The following SCP2 variants were observed in gnomAD, a reference collection of about 807,000 sequenced individuals.
SCP2 encodes the protein SCP-2/3-oxoacyl-CoA thiolase.
In SCP2, 48 loss-of-function variants were observed where a neutral mutation model predicts 71.4. The observed-to-expected ratio is 0.67, with a 90% CI of 0.53 to 0.86. SCP2 has a LOEUF of 0.86. Ranked by LOEUF, SCP2 falls within the 40% of genes least tolerant of loss-of-function variation. The pLI is 0.00. For synonymous variants in SCP2, 220 were observed against 218.1 expected (o/e 1.01, Z -0.08); for missense variants, 560 against 655.6 (o/e 0.85, Z 1.59).
At chr1:52,960,521 T>TATATATGTATGTATATAC in intron 5 of SCP2, among the ~76,000 whole-genome samples, 1 of 143,706 alleles carries the variant, frequency 7.0e-6, no homozygotes, top group African/African-American at 2.6e-5. Context: ...TGTGTGTGTA[T>TATATATGTATGTATATAC]ATGTGTGTAT....
At chr1:52,992,851 AT>A (rs1249747720) in intron 11 of SCP2, among the ~76,000 whole-genome samples, 2 of 152,252 alleles carry the variant, frequency 1.3e-5, no homozygotes, top group Non-Finnish European at 1.5e-5. Context: ...AAAGTTAAAA[AT>A]TATTTCACAA....
At chr1:52,938,216 G>A (rs11206045) in intron 1 of SCP2, among the ~76,000 whole-genome samples, 5,271 of 152,240 alleles carry the variant, frequency 0.035, 315 homozygotes, top group African/African-American at 0.12. Flanking sequence ...AGGCTCAGGA[G>A]ACAAGTCCTG....
chr1:53,017,510 G>A (rs959015474), intron 12 of SCP2, among the ~76,000 whole-genome samples: 2 of 152,092 alleles, frequency 1.3e-5, no homozygotes, highest in African/African-American at 4.8e-5. Context: ...ATTCATCCAC[G>A]TTATTGTGTG....
chr1:53,047,741 C>T, intron 14 of SCP2, 117 bp from the exon 15 acceptor site: 1 of 737,004 alleles, frequency 1.4e-6, no homozygotes, highest in Non-Finnish European at 2.5e-6. Context: ...TGCCCATTTC[C>T]CCACACTGCC....
chr1:52,961,445 T>C, intron 5 of SCP2, 58 bp from the exon 6 acceptor site: 1 of 1,579,940 alleles, frequency 6.3e-7, no homozygotes, highest in Non-Finnish European at 8.7e-7. Flanking sequence ...ACTGTAGTAG[T>C]TTTGAAAGAG....
chr1:52,999,202 C>A (rs75730094), intron 11 of SCP2, among the ~76,000 whole-genome samples: 1 of 152,238 alleles, frequency 6.6e-6, no homozygotes, highest in East Asian at 1.9e-4. Flanking sequence ...GGATATACTT[C>A]GAGGAAATCT....
intron 10 of SCP2, among the ~76,000 whole-genome samples, chr1:52,984,325 T>A (rs1658776290): frequency 6.6e-6 from 1 of 152,190 alleles, no homozygotes; most frequent in Non-Finnish European, 1.5e-5. Context: ...ATGCAGTGGC[T>A]TCTCCAAGTT....
intron 9 of SCP2, among the ~76,000 whole-genome samples, chr1:52,978,998 C>A (rs1220351151): frequency 6.6e-6 from 1 of 152,110 alleles, no homozygotes; most frequent in African/African-American, 2.4e-5. Context: ...GACATACACA[C>A]AATACACAAA....
intron 1 of SCP2, among the ~76,000 whole-genome samples, chr1:52,939,364 A>G (rs974785248): frequency 6.6e-6 from 1 of 151,988 alleles, no homozygotes; most frequent in African/African-American, 2.4e-5. Context: ...TGGGCAACAT[A>G]GTGAGATCCA....
rs540903864 is a variant in SCP2 at position 53,040,582 on chromosome 1, G to T, written c.1468+1536G>T. ...AAAAATACAAAAAAATTAGCCAGGC[G>T]TAGTGGCGGGCACGTGTAGCCCCAG... On this transcript the variant is annotated intron_variant, in intron 14 of 15. Transcript: ENST00000371514. Among the ~76,000 whole-genome samples, 426 of 152,144 alleles carry T rather than the reference G, an allele frequency of 2.8e-3. 4 individuals are homozygous for T. Among genetic ancestry groups the T allele is most frequent in the Non-Finnish European group, 3.9e-3 (262 of 67,976 alleles).
intron 11 of SCP2, 101 bp from the exon 12 acceptor site, chr1:53,014,789 C>T: frequency 7.3e-7 from 1 of 1,364,792 alleles, no homozygotes; most frequent in Non-Finnish European, 1.0e-6. Flanking sequence ...CAAACGTGGC[C>T]TCGGCTTAAT....
chr1:53,037,420 A>C (rs1271924591), intron 13 of SCP2, among the ~76,000 whole-genome samples: 1 of 151,904 alleles, frequency 6.6e-6, no homozygotes, highest in African/African-American at 2.4e-5. Context: ...TAGCGTATTG[A>C]CATTACTTAC....
rs539087454 is a variant in SCP2 at position 52,967,781 on chromosome 1, C to T, written c.523+6152C>T. Reference sequence around the variant, plus strand: ...AGGGAGGCAGAGGTAACTGTTGGTCCGCTGCTTGATTTATCACAGGTACAC... The same window carrying T: ...AGGGAGGCAGAGGTAACTGTTGGTCTGCTGCTTGATTTATCACAGGTACAC... On this transcript the variant is annotated intron_variant, in intron 6 of 15. Transcript: ENST00000371514. Among the ~76,000 whole-genome samples the T allele has an allele frequency of 7.9e-5, 12 of 152,216 alleles. 1 individual carries two copies. The highest frequency in any genetic ancestry group is 2.4e-4 in the African/African-American group (10 of 41,532).
At chr1:52,943,368 AC>A (rs937053492) in intron 2 of SCP2, among the ~76,000 whole-genome samples, 2 of 151,258 alleles carry the variant, frequency 1.3e-5, no homozygotes, top group Admixed American at 6.6e-5. Flanking sequence ...GACTACAGGC[AC>A]CCCCCACCTT....
rs1395284711 is a variant in SCP2 at position 53,047,938 on chromosome 1, G to A, written c.1548+1G>A. 6.9e-6 allele frequency: 11 copies of A among 1,603,698 alleles called. No individual in the cohort carries two copies. The highest frequency in any genetic ancestry group is 9.4e-6 in the Non-Finnish European group (11 of 1,170,662). ...GACTGGTAAAATGAATCCTCAGTCG[G>A]TAAGTATGATGGAGCTTATATCCTG... On this transcript the variant is annotated splice_donor_variant, in intron 15 of 15. Transcript: ENST00000371514. LOFTEE classifies it high-confidence loss of function.
intron 11 of SCP2, chr1:52,995,104 T>C (rs1226848576): frequency 2.0e-6 from 1 of 500,004 alleles, no homozygotes; most frequent in African/African-American, 2.0e-5. Context: ...GTAAGAGAGC[T>C]GTGACTGCCT....
rs188445669 is a variant in SCP2, at chr1:52,986,991, T to C, written c.974-1038T>C. 5.5e-3 allele frequency among the ~76,000 whole-genome samples: 495 copies of C among 89,930 alleles called. 2 individuals are homozygous for C. Among genetic ancestry groups the C allele is most frequent in the African/African-American group, 0.026 (474 of 18,226 alleles). The allele number at this position is 89,930 out of a possible 152,430, so 59.0% of individuals were successfully genotyped here. A position where few individuals can be genotyped will look rare whatever the true frequency, so the allele number is the denominator to read the frequency against. On this transcript the variant is annotated intron_variant, in intron 10 of 15. Transcript: ENST00000371514. ...TTTTGTAATTTTTTTCTTCTGTATA[T>C]ATATATATATATATATTTTTTTTTT... is the stretch of plus-strand genomic sequence containing the variant.
rs779294564 is a variant in SCP2, at chr1:52,976,666, AT to A, written c.588-14del. 1 of 1,257,680 alleles carries A rather than the reference AT, an allele frequency of 8.0e-7. No individual in the cohort carries two copies. Among genetic ancestry groups the A allele is most frequent in the South Asian group, 1.2e-5 (1 of 83,672 alleles). 77.9% of individuals were successfully genotyped at this position (1,257,680 alleles called of 1,614,324 possible). On this transcript the variant is annotated splice_polypyrimidine_tract_variant and intron_variant, in intron 7 of 15. Transcript: ENST00000371514. ...TGCTATCTCACATTCTGTAACTAAT[AT>A]TTATTTTGTATTTAGGTATTCCCAG...
At chr1:53,047,497 G>C (rs937799736) in intron 14 of SCP2, among the ~76,000 whole-genome samples, 1 of 152,094 alleles carries the variant, frequency 6.6e-6, no homozygotes, top group African/African-American at 2.4e-5. Context: ...AGCAAAAATG[G>C]CATCATACAG....
Sources: allele counts gnomAD v4.1 joint callset (sites outside exome capture counted in the v4.1 genomes callset), GRCh38; gene constraint gnomAD v4.1.1; transcripts MANE v1.5; gene names NCBI Gene and HGNC (gene_info 2026-07-23, HGNC 2026-07-21).